KALRN: variants seen among roughly 807,000 people sequenced by gnomAD.
KALRN encodes the protein kalirin RhoGEF kinase, also known as kalirin.
A neutral mutation model predicts 353.7 loss-of-function variants in KALRN; 70 were observed. The ratio of observed to expected loss-of-function variants is 0.20; its 90% CI spans 0.16 to 0.24. The LOEUF (loss-of-function observed/expected upper bound fraction) is 0.24. KALRN is among the 10% of genes least tolerant of loss of function. The pLI, the probability that KALRN is intolerant of heterozygous loss-of-function variation, is 1.00. For missense variants in KALRN, 2,791 were observed against 3,756.7 expected (o/e 0.74, Z 6.72); for synonymous variants, 1,391 against 1,434.8 (o/e 0.97, Z 0.69).
chr3:124,261,616 C>T (rs1052029077), intron 3 of KALRN, among the ~76,000 whole-genome samples: 21 of 152,286 alleles, frequency 1.4e-4, no homozygotes, highest in Non-Finnish European at 2.5e-4. Flanking sequence ...GTTAACAGGG[C>T]ATAACCTGCT....
intron 34 of KALRN, among the ~76,000 whole-genome samples, chr3:124,621,460 G>A (rs2079262201): frequency 6.6e-6 from 1 of 152,180 alleles, no homozygotes; most frequent in South Asian, 2.1e-4. Context: ...ATAGTAAGTG[G>A]GAGGCAGGGG....
chr3:124,558,280 AT>A (rs558048690), intron 33 of KALRN, among the ~76,000 whole-genome samples: 190 of 148,784 alleles, frequency 1.3e-3, no homozygotes, highest in Middle Eastern at 7.1e-3. Flanking sequence ...TACCGCCAGA[AT>A]TTTTTTTTTT....
rs549412398 is a variant in KALRN at position 124,175,609 on chromosome 3, G to A, written c.74-52381G>A. ...GATGTGGAGGTGCGCGCTGCCGAGT[G>A]TCCAGGCCTGATCTCCAGGATGGGG... is the stretch of plus-strand genomic sequence containing the variant. On this transcript the variant is annotated intron_variant, in intron 1 of 59. Coordinates refer to ENST00000682506, the MANE Select transcript of KALRN (RefSeq NM_001388419.1). Among the ~76,000 whole-genome samples, 50 of 151,978 alleles carry A rather than the reference G, an allele frequency of 3.3e-4. No individual in the cohort carries two copies. In the East Asian group the frequency reaches 9.2e-3, roughly 28 times the overall value.
chr3:124,592,309 CAAAAAAAAAA>C (rs10575664), intron 34 of KALRN, among the ~76,000 whole-genome samples: 1 of 120,650 alleles, frequency 8.3e-6, no homozygotes, highest in Non-Finnish European at 1.7e-5. Flanking sequence ...CTCAAAGAAA[CAAAAAAAAAA>C]AAAAAAAAAA....
At chr3:124,296,314 T>C (rs2076841820) in intron 5 of KALRN, among the ~76,000 whole-genome samples, 1 of 152,170 alleles carries the variant, frequency 6.6e-6, no homozygotes, top group Non-Finnish European at 1.5e-5. Context: ...GCAGCATCTG[T>C]GGTGGTACTT....
At chr3:124,599,599 C>T (rs1389191651) in intron 34 of KALRN, among the ~76,000 whole-genome samples, 1 of 152,114 alleles carries the variant, frequency 6.6e-6, no homozygotes, top group Non-Finnish European at 1.5e-5. Context: ...TCTGCATGAC[C>T]CTCTTTGGGC....
intron 34 of KALRN, among the ~76,000 whole-genome samples, chr3:124,600,147 G>T (rs1388372077): frequency 6.6e-6 from 1 of 152,220 alleles, no homozygotes; most frequent in African/African-American, 2.4e-5. Flanking sequence ...TTCAGGGTGA[G>T]GATAAGTGCA....
rs571640013 is a variant in KALRN at position 124,399,077 on chromosome 3, T to C, written c.2346+206T>C. 5.9e-5 allele frequency among the ~76,000 whole-genome samples: 9 copies of C among 152,342 alleles called. No individual in the cohort carries two copies. The South Asian group carries it at 1.9e-3, about 32-fold the overall frequency. On this transcript the variant is annotated intron_variant, in intron 13 of 59. Transcript: ENST00000682506. ...GCCGAGCAGAGCCCCTCTATTTTAC[T>C]TTCTGTCTGTAGATTACTTTCTTGA...
rs2039103111 is a variant in KALRN, at chr3:124,033,689, C to T, written c.-52C>T. Among the ~76,000 whole-genome samples, 1 of 151,986 alleles carries T rather than the reference C, an allele frequency of 6.6e-6. No homozygotes were observed. The highest frequency in any genetic ancestry group is 2.1e-4 in the South Asian group (1 of 4,832). On this transcript the variant is annotated 5_prime_UTR_variant, in exon 1 of 60. Transcript: ENST00000682506. The surrounding 1 kb of genome is among the most constrained non-coding windows in gnomAD (Gnocchi z 6.2). ...CGCCCACCGGGCGCCGAGCAGCCCT[C>T]GGCCCCAGGCTTCTTCGGCTCCCGG...
chr3:124,641,106 A>G (rs187071500), intron 37 of KALRN, among the ~76,000 whole-genome samples: 26 of 152,164 alleles, frequency 1.7e-4, no homozygotes, highest in Admixed American at 1.7e-3. Context: ...TCACTTGGTC[A>G]TTTGTTATAC....
At chr3:124,433,834 G>T (rs1489884031) in intron 16 of KALRN, among the ~76,000 whole-genome samples, 3 of 152,172 alleles carry the variant, frequency 2.0e-5, no homozygotes, top group African/African-American at 7.2e-5. Flanking sequence ...TGTTTTAAAT[G>T]ATTGCATTGT....
At chr3:124,135,628 G>A (rs1240871221) in intron 1 of KALRN, among the ~76,000 whole-genome samples, 1 of 152,164 alleles carries the variant, frequency 6.6e-6, no homozygotes, top group Admixed American at 6.5e-5. Flanking sequence ...TGGTTCCAAG[G>A]GACCCAGCCT....
At chr3:124,495,455 G>C (rs1222070067) in intron 32 of KALRN, among the ~76,000 whole-genome samples, 6 of 152,008 alleles carry the variant, frequency 3.9e-5, no homozygotes, top group African/African-American at 1.4e-4. Context: ...AGAAATCTTG[G>C]CCGGGTGCAG....
chr3:124,161,911 T>G (rs1312321124), intron 1 of KALRN, among the ~76,000 whole-genome samples: 2 of 152,216 alleles, frequency 1.3e-5, no homozygotes, highest in African/African-American at 4.8e-5. Context: ...AGATACCTTT[T>G]GGATTGAGAA....
rs1296023917 is a variant in KALRN at position 124,697,977 on chromosome 3, TA to T, written c.7831+254del. On this transcript the variant is annotated intron_variant, in intron 55 of 59. Transcript: ENST00000682506. Reference sequence around the variant, plus strand: ...TTTATTTTCCTTTATTTTTATTGTTTATTTTTTTTGAGACAGGGTTTGGCTC... The same window carrying T: ...TTTATTTTCCTTTATTTTTATTGTTTTTTTTTTTGAGACAGGGTTTGGCTC... Among the ~76,000 whole-genome samples, 5 of 152,090 alleles carry T rather than the reference TA, an allele frequency of 3.3e-5. No individual in the cohort carries two copies. The East Asian group carries it at 5.8e-4, about 18-fold the overall frequency.
At chr3:124,231,866 C>T (rs775696184) in intron 2 of KALRN, among the ~76,000 whole-genome samples, 4 of 152,014 alleles carry the variant, frequency 2.6e-5, no homozygotes, top group Non-Finnish European at 5.9e-5. Context: ...GCTTATTGTC[C>T]TCTGTAATTT....
At chr3:124,236,910 C>T (rs1234025927) in intron 3 of KALRN, among the ~76,000 whole-genome samples, 4 of 152,190 alleles carry the variant, frequency 2.6e-5, no homozygotes, top group East Asian at 1.9e-4. Context: ...ACAGGGCAGG[C>T]GAGAGCCCTA....
At chr3:124,635,479 G>T (rs2081261347) in intron 36 of KALRN, among the ~76,000 whole-genome samples, 1 of 152,102 alleles carries the variant, frequency 6.6e-6, no homozygotes, top group Non-Finnish European at 1.5e-5. Context: ...CAGAAATGGG[G>T]CAGATGGCAA....
At chr3:124,343,900 T>G (rs191188776) in intron 9 of KALRN, among the ~76,000 whole-genome samples, 1 of 152,320 alleles carries the variant, frequency 6.6e-6, no homozygotes, top group Admixed American at 6.5e-5. Flanking sequence ...CCTGACACTG[T>G]GGCACAATAA....
Sources: gnomAD v4.1 joint callset for allele counts (sites outside exome capture counted in the v4.1 genomes callset) on GRCh38, gnomAD v4.1.1 for gene constraint, Gnocchi (gnomAD v3.1) non-coding constraint, MANE v1.5 for transcripts, NCBI Gene and HGNC (gene_info 2026-07-23, HGNC 2026-07-21) for gene names.